EPN1: variants seen among roughly 807,000 people sequenced by gnomAD.
EPN1 encodes epsin 1, also known as epsin-1.
EPN1 carries 25 observed loss-of-function variants against 56.9 expected under a neutral mutation model. The observed-to-expected ratio is 0.44, with a 90% confidence interval of 0.32 to 0.61. EPN1 has a LOEUF of 0.61. Ranked by LOEUF, EPN1 falls within the 20% of genes least tolerant of loss-of-function variation. EPN1 has a pLI of 0.05. For missense variants in EPN1, 785 were observed against 823.7 expected (o/e 0.95, Z 0.58); for synonymous variants, 411 against 361.8 (o/e 1.14, Z -1.54).
rs778648222 is a variant in EPN1, at chr19:55,693,078, C to T, written c.1264+41C>T. Reference sequence around the variant, plus strand: ...CCCCTGCCCAGTGGCGAGAGGGAGCCTCCCCTAGCTCTTCGGGAGCCCCGT... The same window carrying T: ...CCCCTGCCCAGTGGCGAGAGGGAGCTTCCCCTAGCTCTTCGGGAGCCCCGT... On this transcript the variant is annotated intron_variant, in intron 9 of 10. Transcript: ENST00000270460. 17 of 1,573,582 alleles carry T rather than the reference C, an allele frequency of 1.1e-5. No homozygotes were observed. The South Asian group carries it at 1.9e-4, about 18-fold the overall frequency.
rs1319665801 is a variant in EPN1, at chr19:55,698,678, C to CA, written c.*3323dup. On this transcript the variant is annotated 3_prime_UTR_variant, in exon 11 of 11. Coordinates refer to ENST00000270460, the MANE Select transcript of EPN1 (RefSeq NM_001130072.2). ...TTATACTGAAACTCAATTTTACACA[C>CA]ACAAACCCACTCCCAGCCAGCCTCT... The CA allele has an allele frequency of 6.6e-6, 1 of 152,346 alleles. No individual in the cohort carries two copies. Among genetic ancestry groups the CA allele is most frequent in the African/African-American group, 2.4e-5 (1 of 41,474 alleles). 9.4% of individuals were successfully genotyped at this position (152,346 alleles called of 1,614,324 possible).
In EPN1 at chr19:55,695,814, C is replaced by A. The variant is rs902409770; in HGVS notation, c.*458C>A. 17 of 158,896 alleles carry A rather than the reference C, an allele frequency of 1.1e-4. No homozygotes were observed. The highest frequency in any genetic ancestry group is 6.2e-4 in the Admixed American group (10 of 16,178). The allele number at this position is 158,896 out of a possible 1,614,324, so 9.8% of individuals were successfully genotyped here. The stretch of plus-strand genomic sequence containing the variant: ...TTTCGTGTGTCCCCCAGAGCCCCTT[C>A]ATCCAGGGACCCAGGGCTCAGGTCA... On this transcript the variant is annotated 3_prime_UTR_variant, in exon 11 of 11. Transcript: ENST00000270460. The surrounding 1 kb of genome is among the most constrained non-coding windows in gnomAD (Gnocchi z 4.4).
Position 55,708,062 on chromosome 19 carries a change from C to T in EPN1, c.*12706C>T, listed in dbSNP as rs919582461. ...GGAAGTAAAATTAAGCAAGTAAGTG[C>T]GAGCACTCTACATTGAAGATTATAG... On this transcript the variant is annotated 3_prime_UTR_variant, in exon 11 of 11. Transcript: ENST00000270460. 2.6e-5 allele frequency: 4 copies of T among 152,250 alleles called. No homozygotes were observed. Among genetic ancestry groups the T allele is most frequent in the South Asian group, 2.1e-4 (1 of 4,834 alleles). 9.4% of individuals were successfully genotyped at this position (152,250 alleles called of 1,614,324 possible).
At position 55,685,391 on chromosome 19, in the gene EPN1, C is replaced by A; in HGVS notation, c.229-5C>A. ...CTGACCGGGCATCCCCGTGCCCGCT[C>A]GCAGGCCATGACGCTGATGGAGTAC... On this transcript the variant is annotated splice_region_variant and splice_polypyrimidine_tract_variant and intron_variant, in intron 2 of 10. Coordinates refer to ENST00000270460, the MANE Select transcript of EPN1 (RefSeq NM_001130072.2). 6.2e-7 allele frequency: 1 copy of A among 1,608,902 alleles called. No individual in the cohort carries two copies. The highest frequency in any genetic ancestry group is 1.1e-5 in the South Asian group (1 of 90,158).
Position 55,697,007 on chromosome 19 carries a change from TG to T in EPN1, c.*1655del, listed in dbSNP as rs777718638. 24 of 152,308 alleles carry T rather than the reference TG, an allele frequency of 1.6e-4. No homozygotes were observed. Among genetic ancestry groups the T allele is most frequent in the South Asian group, 4.1e-4 (2 of 4,830 alleles). The allele number at this position is 152,308 out of a possible 1,614,324, so 9.4% of individuals were successfully genotyped here. A position where few individuals can be genotyped will look rare whatever the true frequency, so the allele number is the denominator to read the frequency against. On this transcript the variant is annotated 3_prime_UTR_variant, in exon 11 of 11. Transcript: ENST00000270460. ...GTGGGTCCCAGGGACACAGGAACTT[TG>T]GGGTCAGCCGGTTCCAGATTCAGTT...
At chr19:55,685,732 C>T (rs1986126789) in intron 3 of EPN1, 87 bp downstream of exon 3, 1 of 1,496,312 alleles carries the variant, frequency 6.7e-7, no homozygotes, top group Non-Finnish European at 9.0e-7. Flanking sequence ...ACTGCTTTCT[C>T]TCCCAGCCAG....
rs199539995 is a variant in EPN1 at position 55,695,104 on chromosome 19, C to T, written c.1523-44C>T. ...ATGCTGGATGGACACAGGTGGGCTG[C>T]GCCACTGACTCCACTCCGTGTCTCT... On this transcript the variant is annotated intron_variant, in intron 10 of 10. Coordinates refer to ENST00000270460, the MANE Select transcript of EPN1 (RefSeq NM_001130072.2). The surrounding 1 kb of genome is among the most constrained non-coding windows in gnomAD (Gnocchi z 4.4). The T allele has an allele frequency of 2.4e-5, 39 of 1,611,712 alleles. No individual in the cohort carries two copies. The highest frequency in any genetic ancestry group is 1.7e-4 in the Middle Eastern group (1 of 6,056).
intron 7 of EPN1, 185 bp from the exon 8 acceptor site, chr19:55,692,501 G>T (rs1986625200): frequency 2.0e-6 from 1 of 493,910 alleles, no homozygotes; most frequent in African/African-American, 2.0e-5. Context: ...GGGGTCCCAG[G>T]GGCAGAGCCT....
chr19:55,680,939 C>A (rs1432669038), intron 2 of EPN1, among the ~76,000 whole-genome samples: 1 of 152,268 alleles, frequency 6.6e-6, no homozygotes, highest in African/African-American at 2.4e-5. Flanking sequence ...CTTGTCACTT[C>A]AGCCCCAGGT....
chr19:55,693,840 T>C (rs1986737582), intron 9 of EPN1, among the ~76,000 whole-genome samples: 1 of 152,168 alleles, frequency 6.6e-6, no homozygotes, highest in East Asian at 1.9e-4. Context: ...CAGCATGCAG[T>C]TTTCCTTCTT....
In EPN1 at chr19:55,695,284, C is replaced by T. The variant is rs1399003421; in HGVS notation, c.1659C>T (p.Gly553=). 12 of 1,591,972 alleles carry T rather than the reference C, an allele frequency of 7.5e-6. No homozygotes were observed. Among genetic ancestry groups the T allele is most frequent in the South Asian group, 4.5e-5 (4 of 88,454 alleles). Residue 553 remains glycine, a synonymous_variant, in exon 11 of 11, where the codon GGC becomes GGT. Coordinates refer to ENST00000270460, the MANE Select transcript of EPN1 (RefSeq NM_001130072.2). The surrounding 1 kb of genome is among the most constrained non-coding windows in gnomAD (Gnocchi z 4.4). ...GAPPTYISPL[G]GGPGLPPMMP... ...CACCCACGTACATCTCTCCCCTTGG[C>T]GGGGGCCCTGGCCTGCCCCCCATGA...
intron 2 of EPN1, among the ~76,000 whole-genome samples, chr19:55,682,485 C>A (rs994145291): frequency 1.2e-4 from 19 of 152,180 alleles, no homozygotes; most frequent in Non-Finnish European, 2.6e-4. Flanking sequence ...TTGACATGTT[C>A]TCGGCTCACT....
At position 55,677,693 on chromosome 19, in the gene EPN1, C is replaced by T. The variant is rs752053651; in HGVS notation, c.-101-834C>T. 40 of 1,550,172 alleles carry T rather than the reference C, an allele frequency of 2.6e-5. No homozygotes were observed. The highest frequency in any genetic ancestry group is 2.4e-4 in the South Asian group (20 of 83,796). On this transcript the variant is annotated intron_variant, in intron 1 of 10. Coordinates refer to ENST00000270460, the MANE Select transcript of EPN1 (RefSeq NM_001130072.2). ...CCTTGGGCTTCCGCTATCCTTGGGA[C>T]GTCTGGTCTTCTGGCTTCCCCGGTT...
chr19:55,688,547 A>C (rs1331605514), intron 3 of EPN1, among the ~76,000 whole-genome samples: 2 of 152,132 alleles, frequency 1.3e-5, no homozygotes, highest in African/African-American at 2.4e-5. Flanking sequence ...GACAGACCCC[A>C]GGCACGCGGA....
Position 55,704,783 on chromosome 19 carries a change from C to G in EPN1, c.*9427C>G, listed in dbSNP as rs1172157293. 6.5e-6 allele frequency: 1 copy of G among 152,774 alleles called. No individual in the cohort carries two copies. The highest frequency in any genetic ancestry group is 2.4e-5 in the African/African-American group (1 of 41,442). 9.5% of individuals were successfully genotyped at this position (152,774 alleles called of 1,614,324 possible). On this transcript the variant is annotated 3_prime_UTR_variant, in exon 11 of 11. Transcript: ENST00000270460. ...CCTGCCGCCTGTGATGCTCCTGGGC[C>G]CCCTGCTCCAGCACCGCTCCCTTCC...
At position 55,678,774 on chromosome 19, in the gene EPN1, C is replaced by G. The variant is rs371169888; in HGVS notation, c.147C>G (p.Asn49Lys). ...CAGAGATTGCCGACCTCACCTACAA[C>G]GTTGTCGCCTTCTCGGAGATCATGA... ...LMSEIADLTY[N>K]VVAFSEIMSM... Residue 49 changes from asparagine (N) to lysine (K), a missense_variant, in exon 2 of 11, where the codon AAC (asparagine) becomes AAG (lysine). Physicochemically the swap from Asn to Lys is moderately conservative, Grantham distance 94. This residue lies in a region of EPN1 where 135 missense variants were observed against 218.7 expected (regional missense o/e 0.62). Transcript: ENST00000270460. 6.2e-7 allele frequency: 1 copy of G among 1,614,196 alleles called. No individual in the cohort carries two copies. Among genetic ancestry groups the G allele is most frequent in the Non-Finnish European group, 8.5e-7 (1 of 1,180,026 alleles).
intron 1 of EPN1, chr19:55,677,067 G>A (rs2122155172): frequency 1.3e-6 from 2 of 1,523,364 alleles, no homozygotes; most frequent in Non-Finnish European, 1.8e-6. Context: ...TCTGGCCTGA[G>A]GTGGAAGCAG....
chr19:55,679,510 C>T (rs1985665667), intron 2 of EPN1, among the ~76,000 whole-genome samples: 1 of 152,208 alleles, frequency 6.6e-6, no homozygotes, highest in Admixed American at 6.5e-5. Context: ...TGTTAGACTC[C>T]TGCTGTTGCG....
At chr19:55,687,405 G>C (rs963513009) in intron 3 of EPN1, among the ~76,000 whole-genome samples, 1 of 152,190 alleles carries the variant, frequency 6.6e-6, no homozygotes. Context: ...GGAAGGCCCG[G>C]GTGTTGCTGG....
Sources: allele counts gnomAD v4.1 joint callset (sites outside exome capture counted in the v4.1 genomes callset), GRCh38; gene constraint gnomAD v4.1.1; regional missense constraint gnomAD v4.1.1; non-coding constraint Gnocchi (gnomAD v3.1); transcripts MANE v1.5; gene names NCBI Gene and HGNC (gene_info 2026-07-23, HGNC 2026-07-21).